LRRC7: variants seen among roughly 807,000 people sequenced by gnomAD.
The protein encoded by LRRC7 is leucine-rich repeat-containing protein 7.
A neutral mutation model predicts 175.7 loss-of-function variants in LRRC7; 23 were observed. That is an observed-to-expected ratio of 0.13 (90% CI 0.09 to 0.19). The LOEUF (loss-of-function observed/expected upper bound fraction) is 0.19. Ranked by LOEUF, LRRC7 falls within the 10% of genes least tolerant of loss-of-function variation. The pLI is 1.00. For missense variants in LRRC7, 1,354 were observed against 1,904.7 expected (o/e 0.71, Z 5.38); for synonymous variants, 685 against 680.9 (o/e 1.01, Z -0.09).
chr1:70,105,789 A>G (rs1399786901), intron 25 of LRRC7, among the ~76,000 whole-genome samples: 1 of 152,156 alleles, frequency 6.6e-6, no homozygotes, highest in Non-Finnish European at 1.5e-5. Context: ...AAGTCCTAGA[A>G]GTCTAATTAC....
intron 4 of LRRC7, among the ~76,000 whole-genome samples, chr1:69,809,367 C>T (rs1425699373): frequency 6.6e-6 from 1 of 152,150 alleles, no homozygotes; most frequent in Non-Finnish European, 1.5e-5. Flanking sequence ...TGGTACCATT[C>T]CTTCTGAAAC....
rs778769007 is a variant in LRRC7, at chr1:69,980,366, A to T, written c.712-13A>T. 2.5e-6 allele frequency: 4 copies of T among 1,604,226 alleles called. No homozygotes were observed. In the South Asian group the frequency reaches 4.5e-5, roughly 18 times the overall value. ...TTGTTTTCCTCTCTCCTTCCTCCCC[A>T]CTTCTCTCCCAGCCTGAAGTTCTGG... On this transcript the variant is annotated splice_polypyrimidine_tract_variant and intron_variant, in intron 8 of 26. Transcript: ENST00000651989.
At chr1:70,010,867 G>T (rs1003665301) in intron 11 of LRRC7, among the ~76,000 whole-genome samples, 2 of 152,058 alleles carry the variant, frequency 1.3e-5, no homozygotes, top group African/African-American at 4.8e-5. Flanking sequence ...CCTTTCTGTA[G>T]ATCTGAAGTA....
chr1:70,123,236 T>A lies in LRRC7; in HGVS notation c.*1349T>A, dbSNP rs1380932278. The A allele has an allele frequency of 1.3e-5, 2 of 152,170 alleles. No homozygotes were observed. The highest frequency in any genetic ancestry group is 2.9e-5 in the Non-Finnish European group (2 of 67,972). 9.4% of individuals were successfully genotyped at this position (152,170 alleles called of 1,614,324 possible). On this transcript the variant is annotated 3_prime_UTR_variant, in exon 27 of 27. Transcript: ENST00000651989. Reference sequence around the variant, plus strand: ...CATTAATTTAATTACAATATTAATTTGAATTTCCAGGATAATTTCCCGGAG... The same window carrying A: ...CATTAATTTAATTACAATATTAATTAGAATTTCCAGGATAATTTCCCGGAG...
intron 8 of LRRC7, among the ~76,000 whole-genome samples, chr1:69,979,732 T>A (rs148129863): frequency 1.9e-3 from 289 of 152,204 alleles, no homozygotes; most frequent in Middle Eastern, 6.8e-3. Flanking sequence ...GGATTAAAAG[T>A]CCATGGGTCT....
chr1:69,998,675 A>C (rs1455591724), intron 11 of LRRC7, among the ~76,000 whole-genome samples: 1 of 152,174 alleles, frequency 6.6e-6, no homozygotes, highest in Non-Finnish European at 1.5e-5. Flanking sequence ...TCTTATGTTC[A>C]TATTTCTTAT....
At chr1:69,590,315 A>G (rs995117156) in intron 1 of LRRC7, among the ~76,000 whole-genome samples, 1 of 152,180 alleles carries the variant, frequency 6.6e-6, no homozygotes, top group African/African-American at 2.4e-5. Context: ...TAATGTCTAT[A>G]TCATCAAGTT....
chr1:69,871,834 G>T (rs1368894882), intron 7 of LRRC7, among the ~76,000 whole-genome samples: 2 of 151,808 alleles, frequency 1.3e-5, no homozygotes, highest in African/African-American at 4.8e-5. Context: ...AGTAATTTTT[G>T]TTCAAATAAT....
chr1:69,987,029 G>A (rs1237572838), intron 10 of LRRC7, among the ~76,000 whole-genome samples: 4 of 152,162 alleles, frequency 2.6e-5, no homozygotes, highest in Non-Finnish European at 4.4e-5. Flanking sequence ...GGGTCACGAG[G>A]TCAGGAGTTC....
intron 1 of LRRC7, among the ~76,000 whole-genome samples, chr1:69,663,379 T>C (rs1253710399): frequency 6.6e-6 from 1 of 152,178 alleles, no homozygotes. Context: ...ATTTATGGGT[T>C]ACATGAGATA....
chr1:69,599,622 A>G lies in LRRC7; in HGVS notation c.2+30981A>G, dbSNP rs549898404. Among the ~76,000 whole-genome samples, 11 of 152,344 alleles carry G rather than the reference A, an allele frequency of 7.2e-5. No homozygotes were observed. The East Asian group carries it at 1.7e-3, about 24-fold the overall frequency. The stretch of plus-strand genomic sequence containing the variant: ...TATAAGTGAAAACTAATAGAAGTTG[A>G]AGCTTGGGTTATATAGCCTTGGCTC... On this transcript the variant is annotated intron_variant, in intron 1 of 26. Coordinates refer to ENST00000651989, the MANE Select transcript of LRRC7 (RefSeq NM_001370785.2).
intron 4 of LRRC7, among the ~76,000 whole-genome samples, 189 bp downstream of exon 4, chr1:69,792,349 C>G (rs776712120): frequency 2.6e-5 from 4 of 152,058 alleles, no homozygotes; most frequent in Non-Finnish European, 4.4e-5. Flanking sequence ...CCTCCTCTTA[C>G]TAATGTGCTT....
chr1:69,911,619 GC>G (rs1254042131), intron 7 of LRRC7, among the ~76,000 whole-genome samples: 1 of 152,120 alleles, frequency 6.6e-6, no homozygotes, highest in African/African-American at 2.4e-5. Context: ...TGTCCCAGTG[GC>G]CAGAACTAGG....
intron 3 of LRRC7, among the ~76,000 whole-genome samples, chr1:69,778,744 G>A (rs1236282524): frequency 1.3e-5 from 2 of 152,056 alleles, no homozygotes; most frequent in Admixed American, 6.6e-5. Flanking sequence ...ACTACCAGTG[G>A]AGAAAATCTC....
intron 25 of LRRC7, among the ~76,000 whole-genome samples, chr1:70,105,954 A>G (rs549981003): frequency 6.6e-6 from 1 of 152,292 alleles, no homozygotes; most frequent in East Asian, 1.9e-4. Context: ...GTGAAAACAC[A>G]AGTAGAAGTA....
chr1:70,014,299 ATAT>A (rs1210368617), intron 13 of LRRC7, among the ~76,000 whole-genome samples: 1 of 152,052 alleles, frequency 6.6e-6, no homozygotes, highest in Middle Eastern at 3.2e-3. Flanking sequence ...TACTTAGCAA[ATAT>A]TATCAATGAT....
At chr1:69,719,563 T>C (rs1666125281) in intron 2 of LRRC7, among the ~76,000 whole-genome samples, 1 of 151,700 alleles carries the variant, frequency 6.6e-6, no homozygotes, top group Non-Finnish European at 1.5e-5. Flanking sequence ...CCTAGCATTA[T>C]AGACTTAATT....
intron 2 of LRRC7, among the ~76,000 whole-genome samples, chr1:69,705,049 A>G (rs182947639): frequency 1.1e-4 from 16 of 152,240 alleles, no homozygotes; most frequent in Admixed American, 8.5e-4. Flanking sequence ...TTATTTCTGT[A>G]AAATGTTTTC....
chr1:69,907,288 C>A (rs1243203387), intron 7 of LRRC7, among the ~76,000 whole-genome samples: 1 of 152,118 alleles, frequency 6.6e-6, no homozygotes, highest in Non-Finnish European at 1.5e-5. Context: ...CCAGAATTTC[C>A]AACACTATGT....
Sources: gnomAD v4.1 joint callset for allele counts (sites outside exome capture counted in the v4.1 genomes callset) on GRCh38, gnomAD v4.1.1 for gene constraint, MANE v1.5 for transcripts, NCBI Gene and HGNC (gene_info 2026-07-23, HGNC 2026-07-21) for gene names.